The following ZPLD1 variants were observed in gnomAD, a reference collection of about 807,000 sequenced individuals.
The protein encoded by ZPLD1 is zona pellucida-like domain-containing protein 1.
In ZPLD1, 34 loss-of-function variants were observed where a neutral mutation model predicts 47.2. The ratio of observed to expected loss-of-function variants is 0.72; its 90% confidence interval spans 0.55 to 0.96. ZPLD1 has a LOEUF of 0.96. Among genes scored for constraint, ZPLD1 ranks in the 40% least tolerant of loss-of-function variants. The pLI, the probability that ZPLD1 is intolerant of heterozygous loss-of-function variation, is 0.00. For synonymous variants in ZPLD1, 176 were observed against 186.2 expected, an observed-to-expected ratio of 0.95 and a Z score of 0.45; for missense variants, 512 against 505.8, an observed-to-expected ratio of 1.01 and a Z score of -0.12.
chr3:102,446,423 G>T (rs1267120805), intron 3 of ZPLD1, among the ~76,000 whole-genome samples: 1 of 152,062 alleles, frequency 6.6e-6, no homozygotes, highest in Non-Finnish European at 1.5e-5. Context: ...TATTATTATT[G>T]ATATACTGAA....
intron 3 of ZPLD1, among the ~76,000 whole-genome samples, chr3:102,450,286 T>G (rs565361899): frequency 9.8e-5 from 15 of 152,334 alleles, no homozygotes; most frequent in Admixed American, 2.6e-4. Context: ...TGTGCCAATC[T>G]TCAGGGTACT....
chr3:102,389,776 C>G (rs1288950001), intron 6 of ZPLD1, among the ~76,000 whole-genome samples: 5 of 152,110 alleles, frequency 3.3e-5, no homozygotes, highest in Non-Finnish European at 7.4e-5. Flanking sequence ...ATGGCATATT[C>G]TTAGATGGTC....
rs751051434 is a variant in ZPLD1, at chr3:102,457,806, G to C, written c.535G>C (p.Glu179Gln). The change falls in exon 6 of 12, where the codon GAG (glutamate) becomes CAG (glutamine). Residue 179 changes from glutamate to glutamine, a missense_variant. Physicochemically the swap from Glu to Gln is conservative, Grantham distance 29. Coordinates refer to ENST00000466937, the MANE Select transcript of ZPLD1 (RefSeq NM_001329788.2). ...ASSSAAISVR[E>Q]NNGTFVSTLN... ...GTCCTCAGCGGCTATTTCTGTGAGAGAGAACAATGGCACATTTGTCAGCAC... is the reference window on the plus strand; with the variant it reads ...GTCCTCAGCGGCTATTTCTGTGAGACAGAACAATGGCACATTTGTCAGCAC... 1 of 1,613,914 alleles carries C rather than the reference G, an allele frequency of 6.2e-7. No homozygotes were observed.
chr3:102,425,875 T>A (rs1706939680), intron 8 of ZPLD1, among the ~76,000 whole-genome samples: 1 of 150,870 alleles, frequency 6.6e-6, no homozygotes, highest in African/African-American at 2.4e-5. Context: ...GCCTACTAGA[T>A]GAAATATCCT....
chr3:102,452,747 T>G (rs182979924), intron 3 of ZPLD1, among the ~76,000 whole-genome samples, 172 bp from the exon 4 acceptor site: 1 of 151,960 alleles, frequency 6.6e-6, no homozygotes, highest in East Asian at 1.9e-4. Flanking sequence ...AATAAAAGGC[T>G]ATTTTTCTTG....
chr3:102,439,863 C>G (rs1014764144), intron 3 of ZPLD1, among the ~76,000 whole-genome samples: 3 of 152,212 alleles, frequency 2.0e-5, no homozygotes, highest in Admixed American at 6.5e-5. Flanking sequence ...CTTCTAAAAT[C>G]TTCACATAGA....
chr3:102,447,047 T>C (rs1250087755), intron 3 of ZPLD1, among the ~76,000 whole-genome samples: 1 of 152,158 alleles, frequency 6.6e-6, no homozygotes, highest in African/African-American at 2.4e-5. Flanking sequence ...TGATTTTTCA[T>C]GTTTGATTCT....
intron 8 of ZPLD1, among the ~76,000 whole-genome samples, chr3:102,421,724 A>T (rs1039310927): frequency 6.6e-6 from 1 of 151,948 alleles, no homozygotes; most frequent in Admixed American, 6.6e-5. Flanking sequence ...TACAGGGCAT[A>T]AAAAGTACAG....
intron 7 of ZPLD1, among the ~76,000 whole-genome samples, chr3:102,407,440 T>TACAC (rs1391758639): frequency 3.1e-5 from 3 of 96,430 alleles, no homozygotes; most frequent in Non-Finnish European, 6.5e-5. Context: ...TATATATATA[T>TACAC]ATACACACAT....
At chr3:102,400,850 C>T (rs145663672) in intron 7 of ZPLD1, among the ~76,000 whole-genome samples, 1 of 151,976 alleles carries the variant, frequency 6.6e-6, no homozygotes, top group East Asian at 1.9e-4. Flanking sequence ...TAGCAATGGA[C>T]CTCTCACCAC....
chr3:102,464,180 T>G lies in ZPLD1; in HGVS notation c.690T>G (p.Val230=), dbSNP rs1417349418. ...GCTTACATTCTTTCAGATGGAATGTTTTAATGGATTATTGCTATACTACCC... is the reference window on the plus strand; with the variant it reads ...GCTTACATTCTTTCAGATGGAATGTGTTAATGGATTATTGCTATACTACCC... ...QATNLDGRWN[V]LMDYCYTTPS... is the part of the protein sequence containing the mutation. Residue 230 remains valine, a synonymous_variant, in exon 8 of 12, where the codon GTT becomes GTG. Transcript: ENST00000466937. The G allele has an allele frequency of 1.2e-6, 2 of 1,611,334 alleles. No individual in the cohort carries two copies. The highest frequency in any genetic ancestry group is 1.7e-6 in the Non-Finnish European group (2 of 1,177,820).
intron 7 of ZPLD1, among the ~76,000 whole-genome samples, chr3:102,406,826 G>A (rs906977070): frequency 5.9e-5 from 9 of 151,778 alleles, no homozygotes; most frequent in African/African-American, 1.7e-4. Flanking sequence ...GAGTGAAATC[G>A]TTCAGAATTG....
chr3:102,413,763 A>G (rs16845024), intron 7 of ZPLD1, among the ~76,000 whole-genome samples: 20,118 of 151,790 alleles, frequency 0.13, 1,401 homozygotes, highest in Middle Eastern at 0.18. Context: ...ACTTCTAGAT[A>G]AGGTGGAAAA....
In ZPLD1 at chr3:102,462,268, G is replaced by A. The variant is rs778720708; in HGVS notation, c.583-13G>A. On this transcript the variant is annotated splice_polypyrimidine_tract_variant and intron_variant, in intron 6 of 11. Coordinates refer to ENST00000466937, the MANE Select transcript of ZPLD1 (RefSeq NM_001329788.2). ...GGGAGGTAATAATAGATTTTTTATTGTTTCATCATTAGGATTCAACCTACA... is the reference window on the plus strand; with the variant it reads ...GGGAGGTAATAATAGATTTTTTATTATTTCATCATTAGGATTCAACCTACA... 6.4e-7 allele frequency: 1 copy of A among 1,555,088 alleles called. No individual in the cohort carries two copies. Among genetic ancestry groups the A allele is most frequent in the Non-Finnish European group, 8.8e-7 (1 of 1,136,530 alleles).
At chr3:102,440,923 C>T (rs191089970) in intron 3 of ZPLD1, among the ~76,000 whole-genome samples, 3 of 151,860 alleles carry the variant, frequency 2.0e-5, no homozygotes, top group African/African-American at 7.2e-5. Context: ...AAGAAAATAC[C>T]GAAGCAATCA....
intron 7 of ZPLD1, among the ~76,000 whole-genome samples, chr3:102,406,686 C>T (rs1161650129): frequency 6.6e-6 from 1 of 151,872 alleles, no homozygotes; most frequent in African/African-American, 2.4e-5. Context: ...AAAATACCTG[C>T]TACATTCAGA....
At chr3:102,422,030 A>G (rs535007698) in intron 8 of ZPLD1, among the ~76,000 whole-genome samples, 1 of 152,198 alleles carries the variant, frequency 6.6e-6, no homozygotes, top group East Asian at 1.9e-4. Context: ...TTTAATTAGT[A>G]ATGGAATGTT....
At chr3:102,468,861 T>C in intron 8 of ZPLD1, 103 bp from the exon 9 acceptor site, 2 of 1,108,798 alleles carry the variant, frequency 1.8e-6, no homozygotes, top group Non-Finnish European at 2.6e-6. Context: ...CTGTTAGCTC[T>C]TAATGTAATG....
chr3:102,428,241 G>A (rs1339981222), intron 8 of ZPLD1, among the ~76,000 whole-genome samples: 1 of 152,132 alleles, frequency 6.6e-6, no homozygotes, highest in East Asian at 1.9e-4. Context: ...ATATAACTCA[G>A]TGTGAGCATC....
Sources: allele counts gnomAD v4.1 joint callset (sites outside exome capture counted in the v4.1 genomes callset), GRCh38; gene constraint gnomAD v4.1.1; transcripts MANE v1.5; gene names NCBI Gene and HGNC (gene_info 2026-07-23, HGNC 2026-07-21).